Variants in VPS13B observed in about 807,000 individuals in gnomAD.
VPS13B encodes vacuolar protein sorting 13 homolog B, also known as intermembrane lipid transfer protein VPS13B.
In VPS13B, 285 loss-of-function variants were observed where a neutral mutation model predicts 426.4. That is an observed-to-expected ratio of 0.67 (90% CI 0.61 to 0.74). The LOEUF is 0.74. Ranked by LOEUF, VPS13B falls within the 30% of genes least tolerant of loss-of-function variation. VPS13B has a pLI of 0.00. For missense variants in VPS13B, 4,537 were observed against 4,782.6 expected (o/e 0.95, Z 1.51); for synonymous variants, 1,676 against 1,676.4 (o/e 1.00, Z 0.01).
At chr8:99,742,214 A>G (rs1465862785) in intron 39 of VPS13B, among the ~76,000 whole-genome samples, 3 of 152,354 alleles carry the variant, frequency 2.0e-5, no homozygotes, top group African/African-American at 2.4e-5. Context: ...CAAATAAACT[A>G]GAAAATCTAG....
chr8:99,176,326 G>A (rs1361140506), intron 16 of VPS13B, among the ~76,000 whole-genome samples: 2 of 151,980 alleles, frequency 1.3e-5, no homozygotes, highest in Non-Finnish European at 2.9e-5. Context: ...TAGTAGGGAC[G>A]AGGTTTCATC....
intron 36 of VPS13B, among the ~76,000 whole-genome samples, chr8:99,708,446 T>C (rs1832577055): frequency 6.6e-6 from 1 of 152,172 alleles, no homozygotes; most frequent in South Asian, 2.1e-4. Flanking sequence ...TCTTCCTTTT[T>C]TTTATGGGAA....
At chr8:99,035,274 T>A (rs1430091850) in intron 2 of VPS13B, among the ~76,000 whole-genome samples, 1 of 152,266 alleles carries the variant, frequency 6.6e-6, no homozygotes, top group African/African-American at 2.4e-5. Flanking sequence ...TCTTCAGAAC[T>A]TTTTTGTCTT....
intron 32 of VPS13B, 38 bp from the exon 33 acceptor site, chr8:99,577,452 C>T: frequency 6.2e-7 from 1 of 1,611,864 alleles, no homozygotes; most frequent in Non-Finnish European, 8.5e-7. Flanking sequence ...TGAAAGCTAT[C>T]ATGTTTCTTT....
At chr8:99,532,742 T>G (rs557006849) in intron 30 of VPS13B, among the ~76,000 whole-genome samples, 1 of 33,700 alleles carries the variant, frequency 3.0e-5, no homozygotes, top group East Asian at 6.8e-4. Context: ...ATTCACTTTA[T>G]TTCATTGTAT....
intron 52 of VPS13B, among the ~76,000 whole-genome samples, chr8:99,834,717 C>G (rs966981815): frequency 6.6e-6 from 1 of 152,102 alleles, no homozygotes; most frequent in East Asian, 1.9e-4. Flanking sequence ...CACCACAGCA[C>G]CTGGCTAATT....
intron 39 of VPS13B, among the ~76,000 whole-genome samples, chr8:99,756,398 G>T (rs1272816360): frequency 6.6e-6 from 1 of 152,158 alleles, no homozygotes; most frequent in Non-Finnish European, 1.5e-5. Flanking sequence ...ATGCATAGGG[G>T]AAGTCCCAGG....
At position 99,577,646 on chromosome 8, in the gene VPS13B, T is replaced by TG. The variant is rs1376069910; in HGVS notation, c.5220+14dup. On this transcript the variant is annotated intron_variant, in intron 33 of 61. Transcript: ENST00000357162. ...CAAGGCTGCAGAGGTAACTGTTACCTGATTTTGATCAGGCTTACTGCATTT... is the reference window on the plus strand; with the variant it reads ...CAAGGCTGCAGAGGTAACTGTTACCTGGATTTTGATCAGGCTTACTGCATTT... 1.2e-6 allele frequency: 2 copies of TG among 1,613,120 alleles called. No individual in the cohort carries two copies. The highest frequency in any genetic ancestry group is 1.7e-6 in the Non-Finnish European group (2 of 1,179,648).
At chr8:99,850,533 T>A (rs1402208449) in intron 55 of VPS13B, among the ~76,000 whole-genome samples, 2 of 151,822 alleles carry the variant, frequency 1.3e-5, no homozygotes, top group African/African-American at 4.8e-5. Flanking sequence ...GTATTTTGAT[T>A]ATTTATAATA....
chr8:99,303,279 A>AAAAG (rs60507228), intron 19 of VPS13B, among the ~76,000 whole-genome samples: 1 of 147,558 alleles, frequency 6.8e-6, no homozygotes, highest in South Asian at 2.2e-4. Context: ...AAAAAAAAAA[A>AAAAG]GGAAAACAAC....
intron 33 of VPS13B, chr8:99,577,882 T>C: frequency 2.1e-6 from 1 of 479,492 alleles, no homozygotes. Context: ...ACCTCTGTTA[T>C]ATACATAACT....
chr8:99,672,714 G>A (rs1395330773), intron 35 of VPS13B, among the ~76,000 whole-genome samples: 1 of 151,916 alleles, frequency 6.6e-6, no homozygotes, highest in Non-Finnish European at 1.5e-5. Flanking sequence ...CATTCTTGTA[G>A]GGTTCTAGAT....
chr8:99,241,271 G>C (rs549884646), intron 17 of VPS13B: 1 of 152,324 alleles, frequency 6.6e-6, no homozygotes, highest in East Asian at 1.9e-4. Context: ...TTAGGAAAGA[G>C]AGGAAAGAGG....
rs2130976100 is a variant in VPS13B, at chr8:99,871,673, G to A, written c.11721G>A (p.Gln3907=). The change falls in exon 61 of 62, where the codon CAG becomes CAA. Residue 3907 remains glutamine (Q), a synonymous_variant. Coordinates refer to ENST00000357162, the MANE Select transcript of VPS13B (RefSeq NM_152564.5). ...ACTTACTCACAGTGCAGCTCAAGCA[G>A]CCAAGAGTGGCCTGTGATGTGGAGG... ...QNNLLTVQLK[Q]PRVACDVEVD... 6.2e-7 allele frequency: 1 copy of A among 1,613,996 alleles called. No individual in the cohort carries two copies. The highest frequency in any genetic ancestry group is 8.5e-7 in the Non-Finnish European group (1 of 1,180,044).
intron 17 of VPS13B, 125 bp from the exon 18 acceptor site, chr8:99,274,073 A>C: frequency 1.5e-6 from 2 of 1,358,268 alleles, no homozygotes; most frequent in East Asian, 2.4e-5. Flanking sequence ...GAAACCTAAC[A>C]CAAATACTGT....
chr8:99,053,914 G>A (rs1587970810), intron 3 of VPS13B, among the ~76,000 whole-genome samples: 2 of 152,138 alleles, frequency 1.3e-5, no homozygotes, highest in Admixed American at 1.3e-4. Context: ...CTGTTGGCCA[G>A]GCTGATCTCA....
intron 31 of VPS13B, among the ~76,000 whole-genome samples, chr8:99,572,349 T>A (rs1238590428): frequency 3.3e-5 from 5 of 152,200 alleles, no homozygotes. Flanking sequence ...CTAGGGTAGA[T>A]GTGCACAACG....
At chr8:99,524,044 G>A (rs550102637) in intron 30 of VPS13B, among the ~76,000 whole-genome samples, 44 of 152,200 alleles carry the variant, frequency 2.9e-4, no homozygotes, top group African/African-American at 1.1e-3. Flanking sequence ...CGAAGAGATT[G>A]AAATCATTTA....
intron 17 of VPS13B, among the ~76,000 whole-genome samples, chr8:99,194,932 G>A (rs1192213542): frequency 2.0e-5 from 3 of 151,918 alleles, no homozygotes; most frequent in South Asian, 2.1e-4. Flanking sequence ...TGCAACCTCC[G>A]CCTCCCAGGT....
Sources: gnomAD v4.1 joint callset for allele counts (sites outside exome capture counted in the v4.1 genomes callset) on GRCh38, gnomAD v4.1.1 for gene constraint, MANE v1.5 for transcripts, NCBI Gene and HGNC (gene_info 2026-07-23, HGNC 2026-07-21) for gene names.